TLK1: variants seen among roughly 807,000 people sequenced by gnomAD.
TLK1 encodes the protein serine/threonine-protein kinase tousled-like 1.
Under a neutral mutation model 105.3 loss-of-function variants are expected in TLK1, and 24 were observed. That is an observed-to-expected ratio of 0.23 (90% confidence interval 0.17 to 0.32). The LOEUF is 0.32. TLK1 is among the 10% of genes least tolerant of loss of function. TLK1 has a pLI of 1.00. For missense variants in TLK1, 558 were observed against 910.5 expected (o/e 0.61, Z 4.98); for synonymous variants, 321 against 310.4 (o/e 1.03, Z -0.36).
rs1683797053 is a variant in TLK1 at position 170,991,829 on chromosome 2, A to G, written c.*1951T>C. 6.6e-6 allele frequency: 1 copy of G among 152,224 alleles called. No individual in the cohort carries two copies. The highest frequency in any genetic ancestry group is 2.4e-5 in the African/African-American group (1 of 41,470). 9.4% of individuals were successfully genotyped at this position (152,224 alleles called of 1,614,324 possible). ...CATTCATAAAGACGAAAACTCTAAC[A>G]ACAAAACTGAAAACTTGCAGGCAGC... On this transcript the variant is annotated 3_prime_UTR_variant, in exon 21 of 21. Transcript: ENST00000431350.
intron 1 of TLK1, among the ~76,000 whole-genome samples, chr2:171,193,818 G>A (rs895980501): frequency 7.0e-6 from 1 of 143,318 alleles, no homozygotes; most frequent in East Asian, 2.1e-4. Flanking sequence ...CTGAGTTCAA[G>A]CAATTCTCAT....
intron 11 of TLK1, among the ~76,000 whole-genome samples, chr2:171,028,692 T>G (rs1446746893): frequency 6.6e-6 from 1 of 152,268 alleles, no homozygotes; most frequent in Non-Finnish European, 1.5e-5. Context: ...TAACTAATTC[T>G]ACAATGTTTT....
At chr2:171,215,684 A>G (rs1693700198) in intron 1 of TLK1, among the ~76,000 whole-genome samples, 1 of 152,224 alleles carries the variant, frequency 6.6e-6, no homozygotes, top group Non-Finnish European at 1.5e-5. Context: ...GTCCAAAAGA[A>G]GAAATATTTC....
intron 1 of TLK1, among the ~76,000 whole-genome samples, chr2:171,140,159 A>C (rs540398138): frequency 1.2e-4 from 19 of 152,330 alleles, no homozygotes; most frequent in African/African-American, 3.4e-4. Context: ...TGAGAGAAGA[A>C]GAGCGTGGTT....
At chr2:171,133,074 TATA>T (rs1177298755) in intron 1 of TLK1, among the ~76,000 whole-genome samples, 1 of 152,152 alleles carries the variant, frequency 6.6e-6, no homozygotes, top group African/African-American at 2.4e-5. Context: ...TGTAAAACTA[TATA>T]ATAATAAAAA....
At position 171,111,759 on chromosome 2, in the gene TLK1, T is replaced by C. The variant is rs566731072; in HGVS notation, c.258+5980A>G. On this transcript the variant is annotated intron_variant, in intron 2 of 20. Transcript: ENST00000431350. ...GTGAGGCTAATGTGATAGTGAATTA[T>C]AAAACAGATATGGTAGGGTAATGAA... 5.3e-5 allele frequency among the ~76,000 whole-genome samples: 8 copies of C among 152,294 alleles called. No homozygotes were observed. In the East Asian group the frequency reaches 1.5e-3, roughly 29 times the overall value.
At chr2:171,061,203 C>T in intron 3 of TLK1, 47 bp from the exon 4 acceptor site, 2 of 1,581,262 alleles carry the variant, frequency 1.3e-6, no homozygotes, top group Non-Finnish European at 1.7e-6. Context: ...TTTTAATATA[C>T]AAAATTATCA....
chr2:171,045,903 C>G (rs958115764), intron 11 of TLK1: 7 of 330,088 alleles, frequency 2.1e-5, no homozygotes, highest in African/African-American at 8.5e-5. Context: ...TTAATTGATT[C>G]CTAACTGATT....
intron 1 of TLK1, among the ~76,000 whole-genome samples, chr2:171,132,259 G>A (rs1009307748): frequency 6.6e-6 from 1 of 152,144 alleles, no homozygotes; most frequent in African/African-American, 2.4e-5. Flanking sequence ...TACATCTTGT[G>A]AGAACTCACT....
At chr2:171,122,896 A>G (rs1424184986) in intron 1 of TLK1, among the ~76,000 whole-genome samples, 1 of 151,818 alleles carries the variant, frequency 6.6e-6, no homozygotes, top group Non-Finnish European at 1.5e-5. Flanking sequence ...AAAATTAGCC[A>G]GGTGTGGTGG....
chr2:171,118,229 G>C (rs746232325), intron 1 of TLK1, among the ~76,000 whole-genome samples: 3 of 152,058 alleles, frequency 2.0e-5, no homozygotes, highest in African/African-American at 7.2e-5. Flanking sequence ...AAAGAGTGAG[G>C]TGACACTAGT....
chr2:171,039,349 T>C (rs1686538276), intron 11 of TLK1, among the ~76,000 whole-genome samples: 1 of 152,222 alleles, frequency 6.6e-6, no homozygotes, highest in Non-Finnish European at 1.5e-5. Context: ...CACTGCAGCC[T>C]TGGCCTCCCA....
intron 1 of TLK1, among the ~76,000 whole-genome samples, chr2:171,191,385 A>G (rs1033414098): frequency 6.6e-6 from 1 of 151,618 alleles, no homozygotes; most frequent in African/African-American, 2.4e-5. Context: ...CCTGGGCAAC[A>G]TGGTGAGACC....
intron 1 of TLK1, among the ~76,000 whole-genome samples, chr2:171,182,965 AAG>A (rs1050594437): frequency 1.5e-4 from 22 of 151,492 alleles, no homozygotes; most frequent in Admixed American, 3.3e-4. Flanking sequence ...GAAAGAAAGA[AAG>A]AACATTATTG....
chr2:171,086,505 A>C (rs576576557), intron 2 of TLK1, among the ~76,000 whole-genome samples: 1 of 152,338 alleles, frequency 6.6e-6, no homozygotes, highest in South Asian at 2.1e-4. Flanking sequence ...GCATGCCTGT[A>C]ATCCCAGCTA....
chr2:171,082,769 G>GA lies in TLK1; in HGVS notation c.330+11dup. ...ACTTTAATAGCACCATATTTAAAATGAAATTACTTACCTCTGATTCTTTGT... is the reference window on the plus strand; with the variant it reads ...ACTTTAATAGCACCATATTTAAAATGAAAATTACTTACCTCTGATTCTTTGT... On this transcript the variant is annotated intron_variant, in intron 3 of 20. Transcript: ENST00000431350. The GA allele has an allele frequency of 6.3e-7, 1 of 1,579,666 alleles. No individual in the cohort carries two copies. The highest frequency in any genetic ancestry group is 8.6e-7 in the Non-Finnish European group (1 of 1,157,674).
chr2:171,123,057 T>C lies in TLK1; in HGVS notation c.140-5200A>G, dbSNP rs138863509. 6.5e-3 allele frequency among the ~76,000 whole-genome samples: 925 copies of C among 141,314 alleles called. 4 individuals are homozygous for C. Among genetic ancestry groups the C allele is most frequent in the East Asian group, 0.012 (57 of 4,736 alleles). The allele number at this position is 141,314 out of a possible 152,430, so 92.7% of individuals were successfully genotyped here. On this transcript the variant is annotated intron_variant, in intron 1 of 20. Coordinates refer to ENST00000431350, the MANE Select transcript of TLK1 (RefSeq NM_012290.5). ...CTATATGAAAAAATAAATAAATAAA[T>C]ACACACACACACACACACACACACA...
At chr2:170,994,788 T>C (rs1209424701) in intron 20 of TLK1, 23 of 452,000 alleles carry the variant, frequency 5.1e-5, no homozygotes, top group Non-Finnish European at 1.0e-4. Context: ...AATAGAATTA[T>C]AAATTATGTT....
chr2:171,051,102 G>A (rs1450348236), intron 8 of TLK1, among the ~76,000 whole-genome samples: 1 of 152,132 alleles, frequency 6.6e-6, no homozygotes, highest in East Asian at 1.9e-4. Context: ...AGCACCAATA[G>A]ACCCTCAGCA....
Sources: gnomAD v4.1 joint callset for allele counts (sites outside exome capture counted in the v4.1 genomes callset) on GRCh38, gnomAD v4.1.1 for gene constraint, MANE v1.5 for transcripts, NCBI Gene and HGNC (gene_info 2026-07-23, HGNC 2026-07-21) for gene names.